KRABD5: variants seen among roughly 807,000 people sequenced by gnomAD.
The protein encoded by KRABD5 is KRAB domain containing 5.
At chr16:31,716,945 T>A in the KRABD5 span, among the ~76,000 whole-genome samples, 2 of 152,028 alleles carry the variant, frequency 1.3e-5, no homozygotes, top group Non-Finnish European at 2.9e-5. Context: ...GAAATATGTC[T>A]AAATCATTGT....
chr16:31,719,884 A>G, the KRABD5 span, among the ~76,000 whole-genome samples: 3 of 152,236 alleles, frequency 2.0e-5, no homozygotes, highest in Admixed American at 6.5e-5. Context: ...AACAAAGTCA[A>G]TGTAAAGACT....
At chr16:31,738,974 T>C in the KRABD5 span, among the ~76,000 whole-genome samples, 1 of 152,218 alleles carries the variant, frequency 6.6e-6, no homozygotes, top group African/African-American at 2.4e-5. Context: ...TGTATTTTAT[T>C]GATATCACAA....
chr16:31,753,432 T>G, the KRABD5 span, among the ~76,000 whole-genome samples: 2 of 152,224 alleles, frequency 1.3e-5, no homozygotes, highest in Non-Finnish European at 2.9e-5. Context: ...ACATATGTTT[T>G]GCTCCTTTTA....
chr16:31,752,606 G>A, the KRABD5 span, among the ~76,000 whole-genome samples: 3 of 152,036 alleles, frequency 2.0e-5, no homozygotes, highest in Non-Finnish European at 4.4e-5. Context: ...TCAGTTGCTG[G>A]TTTCATCCCA....
At chr16:31,716,343 A>G in the KRABD5 span, among the ~76,000 whole-genome samples, 24 of 152,062 alleles carry the variant, frequency 1.6e-4, no homozygotes, top group African/African-American at 5.6e-4. Context: ...ACTGCCCCCC[A>G]TGTGAGAGTT....
chr16:31,749,017 C>A, the KRABD5 span, among the ~76,000 whole-genome samples: 3 of 152,122 alleles, frequency 2.0e-5, no homozygotes, highest in Non-Finnish European at 4.4e-5. Context: ...GGGGAAAAAC[C>A]CACTTGTCTG....
chr16:31,758,892 A>G, the KRABD5 span: 1 of 152,472 alleles, frequency 6.6e-6, no homozygotes, highest in African/African-American at 2.4e-5. Flanking sequence ...AACAAATTAT[A>G]ACACTGTATT....
At chr16:31,753,674 T>C in the KRABD5 span, 5 of 1,222,132 alleles carry the variant, frequency 4.1e-6, no homozygotes, top group Non-Finnish European at 5.5e-6. Context: ...ATCATGGTGT[T>C]CTCAACGTGA....
chr16:31,750,470 G>A, the KRABD5 span, among the ~76,000 whole-genome samples: 2 of 152,052 alleles, frequency 1.3e-5, no homozygotes, highest in African/African-American at 2.4e-5. Context: ...AATCATATGA[G>A]CAGAGATGAT....
At chr16:31,741,154 A>G in the KRABD5 span, among the ~76,000 whole-genome samples, 2 of 152,034 alleles carry the variant, frequency 1.3e-5, no homozygotes, top group African/African-American at 2.4e-5. Flanking sequence ...TATTTTTTTT[A>G]TGGCTGCATA....
chr16:31,720,808 G>A, the KRABD5 span, among the ~76,000 whole-genome samples: 1 of 152,174 alleles, frequency 6.6e-6, no homozygotes, highest in Admixed American at 6.5e-5. Context: ...AAACCATCAT[G>A]TTTAATCCAG....
chr16:31,735,583 A>ATT, the KRABD5 span, among the ~76,000 whole-genome samples: 5 of 151,918 alleles, frequency 3.3e-5, no homozygotes, highest in Non-Finnish European at 7.4e-5. Context: ...TTTTAGTTAT[A>ATT]TTTTTTGTCT....
the KRABD5 span, among the ~76,000 whole-genome samples, chr16:31,726,925 T>G: frequency 6.6e-6 from 1 of 152,186 alleles, no homozygotes; most frequent in Non-Finnish European, 1.5e-5. Context: ...AAGGGATATC[T>G]TTCCATTTAT....
the KRABD5 span, chr16:31,722,848 A>T: frequency 7.5e-7 from 1 of 1,341,244 alleles, no homozygotes. Context: ...TATGCTTTAT[A>T]TGAATGAATT....
At chr16:31,749,588 C>T in the KRABD5 span, among the ~76,000 whole-genome samples, 5 of 152,136 alleles carry the variant, frequency 3.3e-5, no homozygotes, top group Non-Finnish European at 5.9e-5. Flanking sequence ...CATGAGTTCA[C>T]GAATGGGATC....
At chr16:31,721,766 C>T in the KRABD5 span, among the ~76,000 whole-genome samples, 7 of 152,200 alleles carry the variant, frequency 4.6e-5, no homozygotes, top group African/African-American at 7.2e-5. Flanking sequence ...CTGAATTCTT[C>T]GTTCAGTGTT....
At chr16:31,746,753 A>G in the KRABD5 span, among the ~76,000 whole-genome samples, 11 of 152,118 alleles carry the variant, frequency 7.2e-5, no homozygotes, top group African/African-American at 2.7e-4. Flanking sequence ...AGGTACTCCA[A>G]TCAATCGTAG....
At chr16:31,737,685 C>T in the KRABD5 span, among the ~76,000 whole-genome samples, 1 of 152,048 alleles carries the variant, frequency 6.6e-6, no homozygotes. Flanking sequence ...ATCTTTATGT[C>T]AGTAGCAGAC....
At chr16:31,759,456 T>A in the KRABD5 span, 1 of 1,513,368 alleles carries the variant, frequency 6.6e-7, no homozygotes, top group Non-Finnish European at 9.0e-7. Context: ...AAAGTGTTGC[T>A]TCGAAAAGGG....
Sources: allele counts gnomAD v4.1 joint callset (sites outside exome capture counted in the v4.1 genomes callset), GRCh38; gene constraint gnomAD v4.1.1; transcripts MANE v1.5; gene names NCBI Gene and HGNC (gene_info 2026-07-23, HGNC 2026-07-21).